The following CD163L1 variants were observed in gnomAD, a reference collection of about 807,000 sequenced individuals.
The protein encoded by CD163L1 is CD163 molecule like 1.
A neutral mutation model predicts 165.4 loss-of-function variants in CD163L1; 124 were observed. The observed-to-expected ratio is 0.75, with a 90% CI of 0.65 to 0.87. The LOEUF is 0.87. CD163L1 is among the 40% of genes least tolerant of loss of function. CD163L1 has a pLI of 0.00. For synonymous variants in CD163L1, 585 were observed against 662.2 expected (o/e 0.88, Z 1.79); for missense variants, 1,525 against 1,799.9 (o/e 0.85, Z 2.76).
In CD163L1 at chr12:7,378,916, G is replaced by T. The variant is rs772886251; in HGVS notation, c.2371+62C>A. 20 of 1,462,028 alleles carry T rather than the reference G, an allele frequency of 1.4e-5. No homozygotes were observed. In the African/African-American group the frequency reaches 2.1e-4, roughly 15 times the overall value. The allele number at this position is 1,462,028 out of a possible 1,614,324, so 90.6% of individuals were successfully genotyped here. ...TGTTAAATAGCCACTTCATAAACAC[G>T]TATTAAATAAGTGCAAAAATAAATA... On this transcript the variant is annotated intron_variant, in intron 9 of 19. Coordinates refer to ENST00000313599, the MANE Select transcript of CD163L1 (RefSeq NM_174941.6).
chr12:7,322,486 A>G, the CD163L1 span: 7 of 1,613,788 alleles, frequency 4.3e-6, no homozygotes, highest in Admixed American at 1.2e-4. Context: ...GTGCTGGAGC[A>G]GTGGAGGGTG....
Position 7,396,321 on chromosome 12 carries a change from A to G in CD163L1, c.1824T>C (p.Cys608=). The G allele has an allele frequency of 6.2e-7, 1 of 1,614,142 alleles. No homozygotes were observed. The highest frequency in any genetic ancestry group is 8.5e-7 in the Non-Finnish European group (1 of 1,180,012). Residue 608 remains cysteine (C), a synonymous_variant, in exon 8 of 20, where the codon TGT becomes TGC. Coordinates refer to ENST00000313599, the MANE Select transcript of CD163L1 (RefSeq NM_174941.6). ...VYFQGRWGTV[C]DDGWNSKAAA... is the part of the protein sequence containing the mutation. ...CAGCTTTACTGTTCCAGCCGTCATCACACACTGTGCCCCACCGTCCTTGAA... is the reference window on the plus strand; with the variant it reads ...CAGCTTTACTGTTCCAGCCGTCATCGCACACTGTGCCCCACCGTCCTTGAA...
At chr12:7,430,236 G>A (rs1036082342) in intron 4 of CD163L1, among the ~76,000 whole-genome samples, 1 of 152,070 alleles carries the variant, frequency 6.6e-6, no homozygotes, top group African/African-American at 2.4e-5. Flanking sequence ...AAAAATAGAA[G>A]AAATTAGAAG....
Position 7,406,683 on chromosome 12 carries a change from A to G in CD163L1, c.936T>C (p.Ala312=). ...QLGCGTALHF[A]GLPHLQSGSD... ...ACCCTGACTGCAAATGAGGCAAGCC[A>G]GCGAAGTGAAGTGCGGTTCCACATC... The change falls in exon 5 of 20, where the codon GCT becomes GCC. Residue 312 remains alanine, a synonymous_variant. Transcript: ENST00000313599. The G allele has an allele frequency of 6.2e-7, 1 of 1,614,134 alleles. No homozygotes were observed. Among genetic ancestry groups the G allele is most frequent in the Non-Finnish European group, 8.5e-7 (1 of 1,179,998 alleles).
intron 8 of CD163L1, among the ~76,000 whole-genome samples, chr12:7,393,002 G>A (rs1249300081): frequency 6.6e-6 from 1 of 151,896 alleles, no homozygotes; most frequent in African/African-American, 2.4e-5. Context: ...TAAAAAGAGG[G>A]GTTGGTACCA....
Position 7,420,308 on chromosome 12 carries a change from A to C in CD163L1, c.766+12108T>G, listed in dbSNP as rs144369435. 9.6e-3 allele frequency among the ~76,000 whole-genome samples: 1,461 copies of C among 152,210 alleles called. 26 individuals are homozygous for C. The highest frequency in any genetic ancestry group is 0.033 in the African/African-American group (1,355 of 41,544). On this transcript the variant is annotated intron_variant, in intron 4 of 19. Coordinates refer to ENST00000313599, the MANE Select transcript of CD163L1 (RefSeq NM_174941.6). ...AGATGTTGGCTTAGGCAAAGACTTC[A>C]TGACCAAGAACACAAAAGCAGATGC...
At chr12:7,373,071 G>C (rs947509235) in intron 14 of CD163L1, among the ~76,000 whole-genome samples, 1 of 152,004 alleles carries the variant, frequency 6.6e-6, no homozygotes, top group African/African-American at 2.4e-5. Context: ...CCTTTTATGT[G>C]CTTTCATCCA....
At chr12:7,343,786 A>T (rs1946651827), downstream of CD163L1, among the ~76,000 whole-genome samples, 1 of 152,044 alleles carries the variant, frequency 6.6e-6, no homozygotes, top group Admixed American at 6.6e-5. Context: ...TTGCCCCCCA[A>T]ATCTTATGTC....
chr12:7,319,306 A>T, the CD163L1 span, among the ~76,000 whole-genome samples: 7 of 152,134 alleles, frequency 4.6e-5, no homozygotes, highest in Non-Finnish European at 8.8e-5. Context: ...GGCAATGGGG[A>T]GTGGCTATAA....
chr12:7,425,672 G>A (rs1191264908), intron 4 of CD163L1, among the ~76,000 whole-genome samples: 4 of 152,044 alleles, frequency 2.6e-5, no homozygotes, highest in African/African-American at 9.7e-5. Context: ...GGCAAAGGAT[G>A]TGAACAGACA....
At chr12:7,394,259 A>G (rs1947725351) in intron 8 of CD163L1, among the ~76,000 whole-genome samples, 1 of 152,174 alleles carries the variant, frequency 6.6e-6, no homozygotes, top group Admixed American at 6.5e-5. Flanking sequence ...AGACAAATGG[A>G]ACAGAACAGA....
intron 8 of CD163L1, among the ~76,000 whole-genome samples, chr12:7,391,626 T>C (rs1043610864): frequency 1.3e-5 from 2 of 151,780 alleles, no homozygotes; most frequent in South Asian, 2.1e-4. Flanking sequence ...ATATCAGTGA[T>C]TGAAGACTTG....
chr12:7,369,030 A>G lies in CD163L1; in HGVS notation c.4040-65T>C. 6.0e-6 allele frequency: 9 copies of G among 1,497,746 alleles called. No homozygotes were observed. Among genetic ancestry groups the G allele is most frequent in the South Asian group, 1.1e-5 (1 of 88,336 alleles). 92.8% of individuals were successfully genotyped at this position (1,497,746 alleles called of 1,614,324 possible). On this transcript the variant is annotated intron_variant, in intron 15 of 19. Coordinates refer to ENST00000313599, the MANE Select transcript of CD163L1 (RefSeq NM_174941.6). The surrounding 1 kb of genome is among the most constrained non-coding windows in gnomAD (Gnocchi z 4.9). ...AAAGGAACTGGGTATTTCTTTTTACATCTCCTGCGATTATCGGATGTCATT... is the reference window on the plus strand; with the variant it reads ...AAAGGAACTGGGTATTTCTTTTTACGTCTCCTGCGATTATCGGATGTCATT...
chr12:7,440,011 G>T, intron 2 of CD163L1: 2 of 1,470,824 alleles, frequency 1.4e-6, no homozygotes, highest in South Asian at 1.2e-5. Context: ...GCAAACCGCC[G>T]AGGAAAACCC....
chr12:7,382,216 G>A (rs1591904099), intron 8 of CD163L1, among the ~76,000 whole-genome samples: 1 of 152,050 alleles, frequency 6.6e-6, no homozygotes, highest in African/African-American at 2.4e-5. Context: ...GTTGGGTCCC[G>A]TGTTCAGGAA....
At chr12:7,435,197 T>G (rs1948699522) in intron 2 of CD163L1, among the ~76,000 whole-genome samples, 1 of 152,046 alleles carries the variant, frequency 6.6e-6, no homozygotes, top group Non-Finnish European at 1.5e-5. Context: ...GAATTTCTAC[T>G]AATTTTTAGA....
At chr12:7,424,680 A>G (rs914848272) in intron 4 of CD163L1, among the ~76,000 whole-genome samples, 10 of 152,206 alleles carry the variant, frequency 6.6e-5, no homozygotes, top group East Asian at 1.9e-4. Flanking sequence ...AAGCATTCCT[A>G]TACACCAATA....
the CD163L1 span, among the ~76,000 whole-genome samples, chr12:7,338,937 T>C: frequency 6.6e-6 from 1 of 152,170 alleles, no homozygotes; most frequent in Admixed American, 6.5e-5. Flanking sequence ...ATGCTGTGTT[T>C]GCTGTGCTTT....
chr12:7,432,831 T>G lies in CD163L1; in HGVS notation c.446-95A>C. 1 of 1,043,234 alleles carries G rather than the reference T, an allele frequency of 9.6e-7. No individual in the cohort carries two copies. Among genetic ancestry groups the G allele is most frequent in the Non-Finnish European group, 1.4e-6 (1 of 740,352 alleles). The allele number at this position is 1,043,234 out of a possible 1,614,324, so 64.6% of individuals were successfully genotyped here. ...ACGTAGAAGACAGCCCTGTTATGAA[T>G]GAAGTTACCAAAAATTAAAAAAAAA... On this transcript the variant is annotated intron_variant, in intron 3 of 19. Coordinates refer to ENST00000313599, the MANE Select transcript of CD163L1 (RefSeq NM_174941.6). The surrounding 1 kb of genome is among the most constrained non-coding windows in gnomAD (Gnocchi z 4.2).
Sources: allele counts gnomAD v4.1 joint callset (sites outside exome capture counted in the v4.1 genomes callset), GRCh38; gene constraint gnomAD v4.1.1; non-coding constraint Gnocchi (gnomAD v3.1); transcripts MANE v1.5; gene names NCBI Gene and HGNC (gene_info 2026-07-23, HGNC 2026-07-21).